The following TBC1D4 variants were observed in gnomAD, a reference collection of about 807,000 sequenced individuals.
TBC1D4 encodes the protein TBC1 domain family member 4, also known as TBC (Tre-2, BUB2, CDC16) domain-containing protein.
In TBC1D4, 121 loss-of-function variants were observed where a neutral mutation model predicts 142.5. The observed-to-expected ratio is 0.85, with a 90% CI of 0.73 to 0.99. The LOEUF (loss-of-function observed/expected upper bound fraction) is 0.99. Among genes scored for constraint, TBC1D4 ranks in the 50% least tolerant of loss-of-function variants. TBC1D4 has a pLI of 0.00. For synonymous variants in TBC1D4, 630 were observed against 628.2 expected (o/e 1.00, Z -0.04); for missense variants, 1,475 against 1,606.6 (o/e 0.92, Z 1.40).
intron 7 of TBC1D4, among the ~76,000 whole-genome samples, chr13:75,339,044 A>T (rs548579117): frequency 6.6e-6 from 1 of 152,336 alleles, no homozygotes; most frequent in South Asian, 2.1e-4. Context: ...AAGACGAATT[A>T]TTCAAGCTAT....
intron 1 of TBC1D4, among the ~76,000 whole-genome samples, chr13:75,409,819 T>A (rs544571605): frequency 6.6e-6 from 1 of 152,346 alleles, no homozygotes; most frequent in Admixed American, 6.5e-5. Flanking sequence ...CTTTGCTAGA[T>A]AGCTATAAAG....
intron 1 of TBC1D4, among the ~76,000 whole-genome samples, chr13:75,409,149 T>C (rs754879616): frequency 1.3e-5 from 2 of 152,136 alleles, no homozygotes; most frequent in Non-Finnish European, 2.9e-5. Context: ...ACTTATAATA[T>C]GAATATATAC....
At chr13:75,303,064 T>A (rs1220135478) in intron 15 of TBC1D4, among the ~76,000 whole-genome samples, 1 of 152,166 alleles carries the variant, frequency 6.6e-6, no homozygotes, top group Non-Finnish European at 1.5e-5. Context: ...ATGCCTGTAA[T>A]CCCAACACTT....
At chr13:75,383,798 C>T (rs55964498) in intron 1 of TBC1D4, among the ~76,000 whole-genome samples, 3,354 of 152,238 alleles carry the variant, frequency 0.022, 123 homozygotes, top group African/African-American at 0.075. Flanking sequence ...CCACTGATAA[C>T]GCGGGGCTAC....
At chr13:75,370,807 T>C (rs1448455656) in intron 1 of TBC1D4, among the ~76,000 whole-genome samples, 1 of 151,996 alleles carries the variant, frequency 6.6e-6, no homozygotes, top group Non-Finnish European at 1.5e-5. Flanking sequence ...GACAGAAAAT[T>C]GGAAGTTATT....
chr13:75,391,400 C>A (rs1389105573), intron 1 of TBC1D4, among the ~76,000 whole-genome samples: 1 of 152,182 alleles, frequency 6.6e-6, no homozygotes, highest in Non-Finnish European at 1.5e-5. Context: ...GGCAATTACT[C>A]CCGCCACCCC....
chr13:75,341,643 G>A, intron 5 of TBC1D4, 56 bp from the exon 6 acceptor site: 1 of 1,355,130 alleles, frequency 7.4e-7, no homozygotes, highest in Non-Finnish European at 1.1e-6. Context: ...GAGATCCAGG[G>A]GCAGAGAATG....
chr13:75,379,167 A>ATTAAGG (rs1883678888), intron 1 of TBC1D4, among the ~76,000 whole-genome samples: 1 of 152,140 alleles, frequency 6.6e-6, no homozygotes, highest in Admixed American at 6.5e-5. Flanking sequence ...AAACAAGAAA[A>ATTAAGG]TTAAAATCCA....
At chr13:75,324,152 C>T in intron 11 of TBC1D4, 85 bp downstream of exon 11, 1 of 1,521,302 alleles carries the variant, frequency 6.6e-7, no homozygotes, top group Non-Finnish European at 9.1e-7. Context: ...AATGTCACTC[C>T]AAAATTAATC....
At chr13:75,346,286 T>A (rs904519831) in intron 5 of TBC1D4, among the ~76,000 whole-genome samples, 1 of 152,156 alleles carries the variant, frequency 6.6e-6, no homozygotes, top group African/African-American at 2.4e-5. Flanking sequence ...AGTAATGTTA[T>A]CCCTCCCCTA....
chr13:75,329,217 T>G (rs1417254684), intron 8 of TBC1D4, among the ~76,000 whole-genome samples: 1 of 152,148 alleles, frequency 6.6e-6, no homozygotes, highest in Non-Finnish European at 1.5e-5. Flanking sequence ...CTGTAAGTAT[T>G]GTTTGCAGCT....
chr13:75,291,351 G>A (rs772328560), intron 19 of TBC1D4, among the ~76,000 whole-genome samples: 57 of 152,154 alleles, frequency 3.7e-4, no homozygotes, highest in Non-Finnish European at 6.5e-4. Context: ...CACGGTTCCA[G>A]CTCTCCCTGG....
chr13:75,370,551 T>C (rs953044611), intron 1 of TBC1D4, among the ~76,000 whole-genome samples: 8 of 152,102 alleles, frequency 5.3e-5, no homozygotes, highest in Admixed American at 5.2e-4. Flanking sequence ...CATGATGATA[T>C]GTTGATGAAT....
In TBC1D4 at chr13:75,362,195, G is replaced by A. The variant is rs750933788; in HGVS notation, c.911C>T (p.Ser304Phe). 10 of 1,613,826 alleles carry A rather than the reference G, an allele frequency of 6.2e-6. No homozygotes were observed. The highest frequency in any genetic ancestry group is 8.5e-6 in the Non-Finnish European group (10 of 1,180,016). ...AAACTCCTGCTGCTCATCAAAGCCA[G>A]AATCTTCCAAAATCCGCTCAGGGAA... is the stretch of plus-strand genomic sequence containing the variant. ...VCFPERILED[S>F]GFDEQQEFRS... The change falls in exon 2 of 21, where the codon TCT (serine) becomes TTT (phenylalanine). Residue 304 changes from serine (S) to phenylalanine (F), a missense_variant. Around this residue, in one of 2 missense-constraint regions of TBC1D4, gnomAD observed 1,227 missense variants for 1,267.7 expected, o/e 0.97. Coordinates refer to ENST00000377636, the MANE Select transcript of TBC1D4 (RefSeq NM_014832.5). The surrounding 1 kb of genome is among the most constrained non-coding windows in gnomAD (Gnocchi z 4.2).
At chr13:75,298,829 T>C (rs1876221533) in intron 17 of TBC1D4, among the ~76,000 whole-genome samples, 2 of 152,044 alleles carry the variant, frequency 1.3e-5, no homozygotes. Context: ...TTTTCCTCTG[T>C]AAAGGCCTAT....
In TBC1D4 at chr13:75,374,430, C is replaced by T. The variant is rs1050821064; in HGVS notation, c.499-11823G>A. Among the ~76,000 whole-genome samples, 6 of 152,014 alleles carry T rather than the reference C, an allele frequency of 3.9e-5. No homozygotes were observed. The South Asian group carries it at 8.3e-4, about 21-fold the overall frequency. On this transcript the variant is annotated intron_variant, in intron 1 of 20. Coordinates refer to ENST00000377636, the MANE Select transcript of TBC1D4 (RefSeq NM_014832.5). Reference sequence around the variant, plus strand: ...GTCAAATTTTAACTCCTTAGAGAAGCGCTCACCTTAGAATTTCAAGTAGAA... The same window carrying T: ...GTCAAATTTTAACTCCTTAGAGAAGTGCTCACCTTAGAATTTCAAGTAGAA...
chr13:75,366,067 C>T (rs1882889602), intron 1 of TBC1D4, among the ~76,000 whole-genome samples: 1 of 152,188 alleles, frequency 6.6e-6, no homozygotes, highest in South Asian at 2.1e-4. Flanking sequence ...CCTCAAGCTA[C>T]ACACCCTAGC....
intron 1 of TBC1D4, among the ~76,000 whole-genome samples, chr13:75,415,934 A>G (rs1885897864): frequency 6.6e-6 from 1 of 152,230 alleles, no homozygotes; most frequent in Admixed American, 6.5e-5. Flanking sequence ...AAAGAAAAGC[A>G]TAGCTACTTT....
intron 3 of TBC1D4, among the ~76,000 whole-genome samples, chr13:75,357,416 G>A (rs960792498): frequency 2.6e-5 from 4 of 152,216 alleles, no homozygotes; most frequent in African/African-American, 2.4e-5. Context: ...ACACAACCTC[G>A]ATTTTCATCT....
Sources: allele counts gnomAD v4.1 joint callset (sites outside exome capture counted in the v4.1 genomes callset), GRCh38; gene constraint gnomAD v4.1.1; regional missense constraint gnomAD v4.1.1; non-coding constraint Gnocchi (gnomAD v3.1); transcripts MANE v1.5; gene names NCBI Gene and HGNC (gene_info 2026-07-23, HGNC 2026-07-21).